Variants in ADAMTSL1 observed in about 807,000 individuals in gnomAD.
The protein encoded by ADAMTSL1 is ADAMTS like 1.
In ADAMTSL1, 126 loss-of-function variants were observed where a neutral mutation model predicts 201.8. That is an observed-to-expected ratio of 0.62 (90% CI 0.54 to 0.72). The LOEUF (loss-of-function observed/expected upper bound fraction) is 0.72. ADAMTSL1 is among the 30% of genes least tolerant of loss of function. The probability of loss-of-function intolerance (pLI) is 0.00; values close to 1 mark genes in which losing one functional copy is unlikely to be tolerated. For missense variants in ADAMTSL1, 2,679 were observed against 2,277.8 expected (o/e 1.18, Z -3.59); for synonymous variants, 1,121 against 903.4 (o/e 1.24, Z -4.32).
chr9:18,355,110 C>T (rs908682370), intron 2 of ADAMTSL1, among the ~76,000 whole-genome samples: 2 of 152,174 alleles, frequency 1.3e-5, no homozygotes, highest in African/African-American at 2.4e-5. Flanking sequence ...TTAGAATCTA[C>T]ACCTGGGAGA....
At chr9:18,623,418 A>G (rs1017743124) in intron 5 of ADAMTSL1, among the ~76,000 whole-genome samples, 4 of 152,186 alleles carry the variant, frequency 2.6e-5, no homozygotes, top group South Asian at 4.1e-4. Context: ...CACAGTTGTA[A>G]TGGAGCCAAG....
chr9:18,668,970 C>A lies in ADAMTSL1; in HGVS notation c.1086-6887C>A, dbSNP rs564338542. ...GATGTGGATCTAAGTTCTTCCAGTT[C>A]TACAGTATCTCTACATAAAGACAGG... On this transcript the variant is annotated intron_variant, in intron 9 of 28. Coordinates refer to ENST00000380548, the MANE Select transcript of ADAMTSL1 (RefSeq NM_001040272.6). Among the ~76,000 whole-genome samples the A allele has an allele frequency of 5.9e-5, 9 of 152,328 alleles. No individual in the cohort carries two copies. In the South Asian group the frequency reaches 1.9e-3, roughly 32 times the overall value.
intron 2 of ADAMTSL1, among the ~76,000 whole-genome samples, chr9:18,251,001 C>T: frequency 6.6e-6 from 1 of 151,866 alleles, no homozygotes; most frequent in East Asian, 1.9e-4. Context: ...AGCAGCAGAT[C>T]TCAATGAAGA....
chr9:17,964,728 A>G (rs1320981643), intron 1 of ADAMTSL1, among the ~76,000 whole-genome samples: 1 of 152,160 alleles, frequency 6.6e-6, no homozygotes, highest in East Asian at 1.9e-4. Flanking sequence ...GGCACATGGG[A>G]TTTCTCTGTG....
chr9:18,819,593 C>T (rs1356931436), intron 21 of ADAMTSL1, among the ~76,000 whole-genome samples: 1 of 152,146 alleles, frequency 6.6e-6, no homozygotes, highest in Non-Finnish European at 1.5e-5. Context: ...GCTTTGGCCA[C>T]TCTATTGTGC....
chr9:18,888,268 G>T (rs775649425), intron 24 of ADAMTSL1, among the ~76,000 whole-genome samples: 3 of 152,168 alleles, frequency 2.0e-5, no homozygotes, highest in Admixed American at 2.0e-4. Context: ...AGCCAGTGCT[G>T]CCTTCATAAA....
chr9:18,706,391 G>A (rs368444722), intron 13 of ADAMTSL1, among the ~76,000 whole-genome samples: 6 of 152,230 alleles, frequency 3.9e-5, no homozygotes, highest in African/African-American at 1.4e-4. Context: ...TATTAGTGGG[G>A]TCTTATAAAA....
chr9:17,993,540 T>G (rs1819249122), intron 1 of ADAMTSL1, among the ~76,000 whole-genome samples: 2 of 152,170 alleles, frequency 1.3e-5, no homozygotes, highest in Admixed American at 6.5e-5. Flanking sequence ...AATTTTCGTT[T>G]TTGGGAAGCC....
intron 1 of ADAMTSL1, among the ~76,000 whole-genome samples, chr9:18,003,993 A>G (rs1351718322): frequency 6.6e-6 from 1 of 152,064 alleles, no homozygotes; most frequent in Non-Finnish European, 1.5e-5. Flanking sequence ...AAAACAATTA[A>G]GCTGTAGAAT....
chr9:18,845,793 A>C (rs987948086), intron 23 of ADAMTSL1, among the ~76,000 whole-genome samples: 13 of 152,340 alleles, frequency 8.5e-5, no homozygotes, highest in Admixed American at 6.5e-4. Context: ...TAAGACTGGG[A>C]CAATATAATA....
intron 1 of ADAMTSL1, among the ~76,000 whole-genome samples, chr9:18,147,616 C>A (rs1321988324): frequency 6.6e-6 from 1 of 152,266 alleles, no homozygotes; most frequent in East Asian, 1.9e-4. Context: ...TCACTGCCAT[C>A]AACTAAGCAG....
intron 2 of ADAMTSL1, among the ~76,000 whole-genome samples, chr9:18,195,042 T>C (rs1944746): frequency 0.31 from 46,930 of 152,048 alleles, 7,382 homozygotes; most frequent in Admixed American, 0.39. Context: ...TCCTATAAGA[T>C]GAAAGGCTTA....
intron 2 of ADAMTSL1, among the ~76,000 whole-genome samples, chr9:18,416,308 T>C (rs932771309): frequency 6.6e-6 from 1 of 151,902 alleles, no homozygotes; most frequent in Admixed American, 6.6e-5. Context: ...AGATATACTA[T>C]AAACCCTAAA....
chr9:18,542,388 G>C (rs1820206154), intron 3 of ADAMTSL1, among the ~76,000 whole-genome samples: 1 of 152,096 alleles, frequency 6.6e-6, no homozygotes, highest in Non-Finnish European at 1.5e-5. Context: ...GTTATGTTTT[G>C]AATTATGTCC....
intron 2 of ADAMTSL1, among the ~76,000 whole-genome samples, chr9:18,326,683 G>T (rs1177425688): frequency 6.6e-6 from 1 of 152,122 alleles, no homozygotes; most frequent in African/African-American, 2.4e-5. Flanking sequence ...GCCTTGCATG[G>T]TTCCATGCAT....
At chr9:17,927,752 C>A (rs1250736332) in intron 1 of ADAMTSL1, among the ~76,000 whole-genome samples, 1 of 151,844 alleles carries the variant, frequency 6.6e-6, no homozygotes, top group Non-Finnish European at 1.5e-5. Context: ...GTAAATTATG[C>A]CAATATTACA....
chr9:17,943,971 C>T (rs187198678), intron 1 of ADAMTSL1, among the ~76,000 whole-genome samples: 1 of 151,668 alleles, frequency 6.6e-6, no homozygotes, highest in Non-Finnish European at 1.5e-5. Context: ...TGCCACACAC[C>T]TTTAAATAAT....
At chr9:18,231,071 C>CA (rs1459036914) in intron 2 of ADAMTSL1, among the ~76,000 whole-genome samples, 1 of 152,150 alleles carries the variant, frequency 6.6e-6, no homozygotes, top group Non-Finnish European at 1.5e-5. Flanking sequence ...CTGGACGTCC[C>CA]AATACCTCAG....
rs370774746 is a variant in ADAMTSL1 at position 18,829,865 on chromosome 9, G to C, written c.4137G>C (p.Gln1379His). 3.1e-6 allele frequency: 5 copies of C among 1,613,808 alleles called. No individual in the cohort carries two copies. Among genetic ancestry groups the C allele is most frequent in the Non-Finnish European group, 2.5e-6 (3 of 1,179,888 alleles). The change falls in exon 23 of 29, where the codon CAG (glutamine) becomes CAC (histidine). Residue 1379 changes from glutamine (Q) to histidine (H), a missense_variant. By Grantham distance (24) the Gln-to-His change is conservative. Transcript: ENST00000380548. ...CAGATCCCCCCCAAGTCCCCACACA[G>C]TTGGAAGACATCAGGGCCTTGCTCG... The part of the protein sequence containing the change: ...LILDPPQVPT[Q>H]LEDIRALLAA...
Sources: allele counts gnomAD v4.1 joint callset (sites outside exome capture counted in the v4.1 genomes callset), GRCh38; gene constraint gnomAD v4.1.1; transcripts MANE v1.5; gene names NCBI Gene and HGNC (gene_info 2026-07-23, HGNC 2026-07-21).